The following PHACTR3 variants were observed in gnomAD, a reference collection of about 807,000 sequenced individuals.
PHACTR3 encodes the protein phosphatase and actin regulator 3.
A neutral mutation model predicts 66.8 loss-of-function variants in PHACTR3; 16 were observed. The observed-to-expected ratio is 0.24, with a 90% CI of 0.16 to 0.36. The LOEUF (loss-of-function observed/expected upper bound fraction) is 0.36, where lower values mean the gene tolerates loss of function less well. PHACTR3 is among the 10% of genes least tolerant of loss of function. The pLI is 1.00. For synonymous variants in PHACTR3, 323 were observed against 292.1 expected (o/e 1.11, Z -1.08); for missense variants, 647 against 719.9 (o/e 0.90, Z 1.16).
chr20:59,600,922 G>A (rs1373547909), upstream of PHACTR3, among the ~76,000 whole-genome samples: 1 of 151,188 alleles, frequency 6.6e-6, no homozygotes, highest in Non-Finnish European at 1.5e-5. Context: ...CAAATTCAAA[G>A]CTCAGCCTAG....
At chr20:59,788,958 A>G (rs533790423) in intron 7 of PHACTR3, among the ~76,000 whole-genome samples, 2 of 152,364 alleles carry the variant, frequency 1.3e-5, no homozygotes, top group South Asian at 4.1e-4. Flanking sequence ...GTCGGCATCT[A>G]TAACAGTGTC....
chr20:59,775,060 G>A (rs141819569), intron 7 of PHACTR3, among the ~76,000 whole-genome samples: 28 of 140,372 alleles, frequency 2.0e-4, no homozygotes, highest in African/African-American at 6.6e-4. Flanking sequence ...AGCCAGCTCC[G>A]TATTTGTCCT....
At chr20:59,826,286 G>A (rs2042189225) in intron 8 of PHACTR3, among the ~76,000 whole-genome samples, 1 of 152,126 alleles carries the variant, frequency 6.6e-6, no homozygotes, top group South Asian at 2.1e-4. Context: ...CCCTGCCACA[G>A]GCTCGGGCCT....
At chr20:59,694,907 A>G (rs926944471) in intron 1 of PHACTR3, among the ~76,000 whole-genome samples, 1 of 152,146 alleles carries the variant, frequency 6.6e-6, no homozygotes, top group African/African-American at 2.4e-5. Context: ...GCCGGGTGCT[A>G]TGCCATTCAG....
At chr20:59,610,490 AT>A (rs2033814559) in intron 1 of PHACTR3, among the ~76,000 whole-genome samples, 1 of 152,234 alleles carries the variant, frequency 6.6e-6, no homozygotes. Context: ...AGATGATCTC[AT>A]TTGTTTATTA....
At chr20:59,661,145 G>A (rs1203116849) in intron 1 of PHACTR3, among the ~76,000 whole-genome samples, 2 of 152,218 alleles carry the variant, frequency 1.3e-5, no homozygotes, top group East Asian at 1.9e-4. Context: ...GATTCTAGGG[G>A]CATGATTAGC....
intron 1 of PHACTR3, chr20:59,628,502 C>T (rs150492495): frequency 3.9e-5 from 15 of 385,702 alleles, no homozygotes; most frequent in Middle Eastern, 1.3e-3. Flanking sequence ...CTTTGGCCCT[C>T]GGAGTGCAGC....
chr20:59,827,114 T>C (rs1219577091), intron 8 of PHACTR3, among the ~76,000 whole-genome samples: 1 of 151,944 alleles, frequency 6.6e-6, no homozygotes, highest in Non-Finnish European at 1.5e-5. Flanking sequence ...TTGCTGTCTT[T>C]AGCACCTGGA....
At position 59,808,579 on chromosome 20, in the gene PHACTR3, A is replaced by G. The variant is rs189814931; in HGVS notation, c.1328+2385A>G. Among the ~76,000 whole-genome samples the G allele has an allele frequency of 5.4e-4, 82 of 152,234 alleles. No individual in the cohort carries two copies. The South Asian group carries it at 8.7e-3, about 16-fold the overall frequency. ...AAAGCCAACCCTTCCCTGGAGGGAG[A>G]GACAGTGCCCCAGGGGTGAGGGGAA... is the stretch of plus-strand genomic sequence containing the variant. On this transcript the variant is annotated intron_variant, in intron 8 of 12. Transcript: ENST00000371015.
chr20:59,710,400 G>A (rs1183344870), intron 1 of PHACTR3, among the ~76,000 whole-genome samples: 1 of 152,120 alleles, frequency 6.6e-6, no homozygotes, highest in African/African-American at 2.4e-5. Flanking sequence ...GGTTTTTGAA[G>A]CTTGTTTTGT....
At chr20:59,780,444 C>T (rs964860092) in intron 7 of PHACTR3, among the ~76,000 whole-genome samples, 27 of 152,208 alleles carry the variant, frequency 1.8e-4, no homozygotes, top group African/African-American at 6.3e-4. Flanking sequence ...CAAGGCCCCA[C>T]TTTCTCATAG....
At position 59,681,764 on chromosome 20, in the gene PHACTR3, T is replaced by A. The variant is rs527557980; in HGVS notation, c.119-61343T>A. ...GGCGGCTCACCCCTGTAATCTCAGC[T>A]CTTTGGGAGGCCGAGGTGGGTGGAT... On this transcript the variant is annotated intron_variant, in intron 1 of 12. Transcript: ENST00000371015. Among the ~76,000 whole-genome samples the A allele has an allele frequency of 6.0e-4, 92 of 152,240 alleles. 1 individual carries two copies. The highest frequency in any genetic ancestry group is 2.1e-3 in the African/African-American group (88 of 41,550).
chr20:59,667,576 A>T (rs1381983716), intron 1 of PHACTR3, among the ~76,000 whole-genome samples: 1 of 152,246 alleles, frequency 6.6e-6, no homozygotes, highest in Non-Finnish European at 1.5e-5. Flanking sequence ...TTTTCTGATT[A>T]CAAGACAGAA....
At chr20:59,737,120 C>T (rs548071164) in intron 1 of PHACTR3, among the ~76,000 whole-genome samples, 30 of 152,308 alleles carry the variant, frequency 2.0e-4, no homozygotes, top group African/African-American at 6.5e-4. Flanking sequence ...AGCACATCCA[C>T]GCCTCTCAAC....
intron 1 of PHACTR3, among the ~76,000 whole-genome samples, chr20:59,742,844 C>T (rs1265770603): frequency 1.3e-5 from 2 of 152,162 alleles, no homozygotes; most frequent in Non-Finnish European, 1.5e-5. Context: ...CATCTTCACA[C>T]GTGGCGCGTC....
chr20:59,589,411 T>C (rs2033126571), intron 1 of PHACTR3, among the ~76,000 whole-genome samples: 1 of 152,200 alleles, frequency 6.6e-6, no homozygotes, highest in Non-Finnish European at 1.5e-5. Flanking sequence ...CGTTACTATT[T>C]ATAGGTTTGT....
At chr20:59,623,109 T>C (rs2034318746) in intron 1 of PHACTR3, among the ~76,000 whole-genome samples, 2 of 151,554 alleles carry the variant, frequency 1.3e-5, no homozygotes, top group South Asian at 4.2e-4. Flanking sequence ...AAAATAAATG[T>C]TTTTTTGTGG....
intron 8 of PHACTR3, among the ~76,000 whole-genome samples, chr20:59,807,267 T>C (rs2041597297): frequency 6.6e-6 from 1 of 152,222 alleles, no homozygotes. Flanking sequence ...CTTTTTATAT[T>C]TTTCAATTTT....
chr20:59,737,912 G>A (rs997159035), intron 1 of PHACTR3, among the ~76,000 whole-genome samples: 2 of 152,138 alleles, frequency 1.3e-5, no homozygotes, highest in African/African-American at 2.4e-5. Context: ...GTGCTCCCTC[G>A]CCAGCCCTCA....
Sources: gnomAD v4.1 joint callset for allele counts (sites outside exome capture counted in the v4.1 genomes callset) on GRCh38, gnomAD v4.1.1 for gene constraint, MANE v1.5 for transcripts, NCBI Gene and HGNC (gene_info 2026-07-23, HGNC 2026-07-21) for gene names.